Variants in RNF213 observed in about 807,000 individuals in gnomAD.
RNF213 encodes the protein ring finger protein 213.
A neutral mutation model predicts 514.4 loss-of-function variants in RNF213; 341 were observed. That is an observed-to-expected ratio of 0.66 (90% CI 0.61 to 0.73). The LOEUF (loss-of-function observed/expected upper bound fraction) is 0.73. Ranked by LOEUF, RNF213 falls within the 30% of genes least tolerant of loss-of-function variation. RNF213 has a pLI of 0.00. For missense variants in RNF213, 5,767 were observed against 6,615.6 expected (o/e 0.87, Z 4.45); for synonymous variants, 2,655 against 2,658.2 (o/e 1.00, Z 0.04).
intron 15 of RNF213, among the ~76,000 whole-genome samples, chr17:80,314,416 TGGTGGAGGTACTGGA>T (rs1438468678): frequency 2.2e-3 from 2 of 906 alleles, no homozygotes; most frequent in Non-Finnish European, 3.2e-3. Context: ...GTGGTGGTGG[TGGTGGAGGTACTGGA>T]GGTGATGGTG....
At chr17:80,342,573 C>T (rs981621237) in intron 26 of RNF213, among the ~76,000 whole-genome samples, 2 of 149,384 alleles carry the variant, frequency 1.3e-5, no homozygotes, top group Admixed American at 6.7e-5. Flanking sequence ...TATATATACA[C>T]ACACATGCTG....
In RNF213 at chr17:80,328,360, T is replaced by C; in HGVS notation, c.3400T>C (p.Cys1134Arg). Residue 1134 changes from cysteine (C) to arginine (R), a missense_variant, in exon 20 of 68, where the codon TGT (cysteine) becomes CGT (arginine). Cys to Arg is a radical substitution (Grantham distance 180). Coordinates refer to ENST00000582970, the MANE Select transcript of RNF213 (RefSeq NM_001256071.3). ...AAGTCTTTCACCCCAGGATGAACAA[T>C]GTGCTGTGGAGGAAGCACTGGATTG... ...EKSLSPQDEQ[C>R]AVEEALDWRR... 1 of 1,537,040 alleles carries C rather than the reference T, an allele frequency of 6.5e-7. No homozygotes were observed. Among genetic ancestry groups the C allele is most frequent in the Non-Finnish European group, 8.7e-7 (1 of 1,146,812 alleles).
At chr17:80,381,382 TC>T in intron 56 of RNF213, 164 bp from the exon 57 acceptor site, 1 of 748,454 alleles carries the variant, frequency 1.3e-6, no homozygotes, top group Admixed American at 2.0e-5. Flanking sequence ...CAGCAGCCGT[TC>T]CGCTTGCTAG....
rs1047210143 is a variant in RNF213, at chr17:80,291,113, T to C, written c.1271+385T>C. 4.6e-5 allele frequency among the ~76,000 whole-genome samples: 7 copies of C among 152,088 alleles called. 1 individual carries two copies. Among genetic ancestry groups the C allele is most frequent in the Admixed American group, 1.3e-4 (2 of 15,268 alleles). On this transcript the variant is annotated intron_variant, in intron 7 of 67. Transcript: ENST00000582970. ...AGGCATGAGCCACTGCGCCCAGCCTTTAAATAATTTTTATCCAGTGAGTTG... is the reference window on the plus strand; with the variant it reads ...AGGCATGAGCCACTGCGCCCAGCCTCTAAATAATTTTTATCCAGTGAGTTG...
In RNF213 at chr17:80,360,067, A is replaced by C. The variant is rs151242116; in HGVS notation, c.11061A>C (p.Lys3687Asn). The change falls in exon 38 of 68, where the codon AAA becomes AAC. Residue 3687 changes from lysine to asparagine, a missense_variant. By Grantham distance (94) the Lys-to-Asn change is moderately conservative. This residue lies in a region of RNF213 where 919 missense variants were observed against 1,121.0 expected (regional missense o/e 0.82). Transcript: ENST00000582970. ...ATCCCTCACCTTATTGCAGACATAA[A>C]GGTGAGATGGCCTACATCGTGGTGC... The part of the protein sequence containing the change: ...IPLVMNNERH[K>N]GEMAYIVVQN... 1 of 1,614,026 alleles carries C rather than the reference A, an allele frequency of 6.2e-7. No individual in the cohort carries two copies. Among genetic ancestry groups the C allele is most frequent in the African/African-American group, 1.3e-5 (1 of 74,916 alleles).
intron 8 of RNF213, among the ~76,000 whole-genome samples, chr17:80,293,176 C>G (rs542564856): frequency 6.6e-6 from 1 of 151,958 alleles, no homozygotes; most frequent in East Asian, 1.9e-4. Flanking sequence ...TCCCCCTCAG[C>G]CCCCCCAAGT....
chr17:80,262,544 C>T (rs2043461700), intron 1 of RNF213, among the ~76,000 whole-genome samples: 1 of 152,184 alleles, frequency 6.6e-6, no homozygotes, highest in Non-Finnish European at 1.5e-5. Context: ...GTTCCTAGAT[C>T]CCTCTAGGCA....
At position 80,363,085 on chromosome 17, in the gene RNF213, G is replaced by A; in HGVS notation, c.11356-17G>A. On this transcript the variant is annotated splice_polypyrimidine_tract_variant and intron_variant, in intron 39 of 67. Coordinates refer to ENST00000582970, the MANE Select transcript of RNF213 (RefSeq NM_001256071.3). ...TGTAATTTAAAAATATATTCTAAAA[G>A]CTTTTTTGAATCCCAGTTTCTGCAG... The A allele has an allele frequency of 1.2e-6, 2 of 1,606,264 alleles. No homozygotes were observed. Among genetic ancestry groups the A allele is most frequent in the Non-Finnish European group, 1.7e-6 (2 of 1,173,136 alleles).
chr17:80,261,323 G>A lies in RNF213; in HGVS notation c.-109+421G>A, dbSNP rs989251401. Among the ~76,000 whole-genome samples, 4 of 152,254 alleles carry A rather than the reference G, an allele frequency of 2.6e-5. No individual in the cohort carries two copies. In the East Asian group the frequency reaches 5.8e-4, roughly 22 times the overall value. On this transcript the variant is annotated intron_variant, in intron 1 of 67. Transcript: ENST00000582970. ...CTGTACGAATGGCAACAACGGAAAA[G>A]TGAAGTTGCAAAAACAGACTCCTAA...
intron 3 of RNF213, among the ~76,000 whole-genome samples, chr17:80,279,621 C>T (rs141359625): frequency 0.019 from 2,896 of 151,890 alleles, 100 homozygotes; most frequent in African/African-American, 0.066. Context: ...CCTGCCACCA[C>T]GCCCGGCTAC....
intron 2 of RNF213, among the ~76,000 whole-genome samples, chr17:80,268,664 GTCT>G (rs2043696353): frequency 6.7e-6 from 1 of 149,738 alleles, no homozygotes; most frequent in Admixed American, 6.7e-5. Flanking sequence ...TCTGTCATCT[GTCT>G]TCTATCAATT....
At chr17:80,321,814 C>T (rs1485706482) in intron 17 of RNF213, among the ~76,000 whole-genome samples, 5 of 152,184 alleles carry the variant, frequency 3.3e-5, no homozygotes, top group African/African-American at 4.8e-5. Flanking sequence ...ACACCTCCAC[C>T]TCCTGGGTTC....
Position 80,317,361 on chromosome 17 carries a change from C to A in RNF213, c.2901+84C>A. 1.7e-6 allele frequency: 2 copies of A among 1,204,714 alleles called. No individual in the cohort carries two copies. The highest frequency in any genetic ancestry group is 1.3e-5 in the South Asian group (1 of 78,152). 74.6% of individuals were successfully genotyped at this position (1,204,714 alleles called of 1,614,324 possible). A position where few individuals can be genotyped will look rare whatever the true frequency, so the allele number is the denominator to read the frequency against. On this transcript the variant is annotated intron_variant, in intron 16 of 67. Coordinates refer to ENST00000582970, the MANE Select transcript of RNF213 (RefSeq NM_001256071.3). This position sits in a 1 kb window ranked among gnomAD's most constrained non-coding sequence, Gnocchi z 4.1. The stretch of plus-strand genomic sequence containing the variant: ...ACCATTAGCGACAGCCAAGAGATCT[C>A]AGCAGTGCCTCTCTGTGGGCAGGGA...
chr17:80,381,535 T>C lies in RNF213; in HGVS notation c.13798-12T>C, dbSNP rs373535520. On this transcript the variant is annotated splice_polypyrimidine_tract_variant and intron_variant, in intron 56 of 67. Transcript: ENST00000582970. ...GATCCCCGCTGAACACTCTGTTCCGTTGCCCCCACAGGCTCTGATAAACAT... is the reference window on the plus strand; with the variant it reads ...GATCCCCGCTGAACACTCTGTTCCGCTGCCCCCACAGGCTCTGATAAACAT... 9 of 1,613,904 alleles carry C rather than the reference T, an allele frequency of 5.6e-6. No individual in the cohort carries two copies. In the African/African-American group the frequency reaches 9.3e-5, roughly 17 times the overall value.
intron 11 of RNF213, among the ~76,000 whole-genome samples, chr17:80,298,957 C>T (rs1036483203): frequency 1.3e-5 from 2 of 151,972 alleles, no homozygotes; most frequent in African/African-American, 4.8e-5. Context: ...GTAGCTTGGG[C>T]GACAGAGCGA....
At position 80,294,974 on chromosome 17, in the gene RNF213, TGG is replaced by T. The variant is rs1323912350; in HGVS notation, c.1727_1728del (p.Trp576TyrfsTer43). ...PMIYEGQAQL[W>X]TDLQYREKEV... The stretch of plus-strand genomic sequence containing the variant: ...GATTTATGAAGGACAGGCACAGCTG[TGG>T]ACCGATTTGCAGTACAGGGAGAAAG... On this transcript the variant is annotated frameshift_variant, in exon 9 of 68. Coordinates refer to ENST00000582970, the MANE Select transcript of RNF213 (RefSeq NM_001256071.3). LOFTEE classifies it high-confidence loss of function. 6.2e-7 allele frequency: 1 copy of T among 1,614,160 alleles called. No individual in the cohort carries two copies.
Position 80,383,936 on chromosome 17 carries a change from T to C in RNF213, c.14322+8T>C. The C allele has an allele frequency of 6.2e-7, 1 of 1,614,162 alleles. No homozygotes were observed. The highest frequency in any genetic ancestry group is 1.7e-5 in the Admixed American group (1 of 60,026). On this transcript the variant is annotated splice_region_variant and intron_variant, in intron 59 of 67. Transcript: ENST00000582970. ...TGGCATTTCCTGCAGAAGGTATGTC[T>C]GGCTTACTGTGGCTCCCTCCCTCTT... is the stretch of plus-strand genomic sequence containing the variant.
In RNF213 at chr17:80,358,374, A is replaced by T. The variant is rs768790793; in HGVS notation, c.10949A>T (p.Glu3650Val). 1 of 1,614,126 alleles carries T rather than the reference A, an allele frequency of 6.2e-7. No individual in the cohort carries two copies. Among genetic ancestry groups the T allele is most frequent in the African/African-American group, 1.3e-5 (1 of 75,012 alleles). The change falls in exon 37 of 68, where the codon GAG (glutamate) becomes GTG (valine). Residue 3650 changes from glutamate (E) to valine (V), a missense_variant. Transcript: ENST00000582970. ...ISFIDRDGNL[E>V]LLTRPDTPPW... Reference sequence around the variant, plus strand: ...TTCATCGACAGAGACGGCAACCTAGAGTTACTGACCAGGCCAGATACTCCG... The same window carrying T: ...TTCATCGACAGAGACGGCAACCTAGTGTTACTGACCAGGCCAGATACTCCG...
chr17:80,290,494 TGTGCGCGTGTGTGC>T (rs1002910494), intron 6 of RNF213, 62 bp from the exon 7 acceptor site: 30 of 1,546,480 alleles, frequency 1.9e-5, no homozygotes, highest in Non-Finnish European at 2.4e-5. Flanking sequence ...CACGTGTGTG[TGTGCGCGTGTGTGC>T]ATGCACATGG....
Sources: gnomAD v4.1 joint callset for allele counts (sites outside exome capture counted in the v4.1 genomes callset) on GRCh38, gnomAD v4.1.1 for gene constraint, gnomAD v4.1.1 regional missense constraint, Gnocchi (gnomAD v3.1) non-coding constraint, MANE v1.5 for transcripts, NCBI Gene and HGNC (gene_info 2026-07-23, HGNC 2026-07-21) for gene names.